TUBGCP5: variants seen among roughly 807,000 people sequenced by gnomAD.
TUBGCP5 encodes the protein tubulin gamma complex component 5, also known as gamma-tubulin complex component 5.
In TUBGCP5, 98 loss-of-function variants were observed where a neutral mutation model predicts 134.7. The observed-to-expected ratio is 0.73, with a 90% confidence interval of 0.62 to 0.86. The LOEUF (loss-of-function observed/expected upper bound fraction) is 0.86. Ranked by LOEUF, TUBGCP5 falls within the 40% of genes least tolerant of loss-of-function variation. The pLI is 0.00. For missense variants in TUBGCP5, 1,150 were observed against 1,244.8 expected, an observed-to-expected ratio of 0.92 and a Z score of 1.15; for synonymous variants, 456 against 431.4, an observed-to-expected ratio of 1.06 and a Z score of -0.71.
intron 23 of TUBGCP5, among the ~76,000 whole-genome samples, chr15:22,986,193 G>C (rs1345956772): frequency 6.6e-6 from 1 of 151,296 alleles, no homozygotes; most frequent in South Asian, 2.1e-4. Flanking sequence ...AACAAGTATT[G>C]GCAAGGATAT....
chr15:23,038,142 T>C (rs1181166726), intron 1 of TUBGCP5, among the ~76,000 whole-genome samples: 2 of 152,098 alleles, frequency 1.3e-5, no homozygotes, highest in South Asian at 2.1e-4. Flanking sequence ...GCACAGCCTA[T>C]GCAACTAATG....
intron 23 of TUBGCP5, among the ~76,000 whole-genome samples, chr15:22,990,976 G>T (rs2063827215): frequency 6.6e-6 from 1 of 152,154 alleles, no homozygotes; most frequent in African/African-American, 2.4e-5. Context: ...TTGCTCCCTT[G>T]AATTTTGGCC....
At chr15:22,992,133 C>T (rs1217387816) in intron 23 of TUBGCP5, among the ~76,000 whole-genome samples, 1 of 152,134 alleles carries the variant, frequency 6.6e-6, no homozygotes, top group East Asian at 1.9e-4. Context: ...GTCTCCAGGG[C>T]TCAACTTCCT....
chr15:22,989,169 A>G (rs888110914), intron 23 of TUBGCP5, among the ~76,000 whole-genome samples: 1 of 152,066 alleles, frequency 6.6e-6, no homozygotes, highest in African/African-American at 2.4e-5. Context: ...TCCATCTGCA[A>G]TTTTAATTCT....
intron 10 of TUBGCP5, chr15:23,023,391 G>A (rs1034270502): frequency 5.3e-5 from 8 of 151,938 alleles, no homozygotes; most frequent in Admixed American, 1.3e-4. Context: ...GTACGATAAC[G>A]GATATGTAGA....
intron 12 of TUBGCP5, among the ~76,000 whole-genome samples, chr15:23,018,988 C>G (rs1444704541): frequency 6.6e-6 from 1 of 152,142 alleles, no homozygotes; most frequent in Non-Finnish European, 1.5e-5. Context: ...ATATAATTTG[C>G]TTAAGAAAAG....
At chr15:23,032,076 T>A in intron 4 of TUBGCP5, 47 bp from the exon 5 acceptor site, 1 of 1,463,430 alleles carries the variant, frequency 6.8e-7, no homozygotes, top group Non-Finnish European at 9.4e-7. Context: ...TATCTATCTT[T>A]GAAAAAAAAC....
intron 4 of TUBGCP5, 70 bp downstream of exon 4, chr15:23,032,658 G>T (rs1270543547): frequency 2.3e-5 from 24 of 1,051,536 alleles, no homozygotes; most frequent in African/African-American, 3.2e-5. Context: ...ATAAAACTCA[G>T]TGTTTAGCAA....
At chr15:23,035,169 A>T (rs568919565) in intron 3 of TUBGCP5, among the ~76,000 whole-genome samples, 15 of 151,958 alleles carry the variant, frequency 9.9e-5, no homozygotes, top group Middle Eastern at 3.4e-3. Flanking sequence ...CTCTACTAAA[A>T]ATACAAAAAA....
rs183566150 is a variant in TUBGCP5, at chr15:22,987,108, G to A, written c.*62-3497C>T. ...AGCACTTTGGGAGGCTGAGGCAGGC[G>A]GACCACCTGAGGTCAGGAGTTCAAG... On this transcript the variant is annotated intron_variant and NMD_transcript_variant, in intron 23 of 23. Coordinates refer to the TUBGCP5 transcript ENST00000614508. Among the ~76,000 whole-genome samples, 872 of 151,954 alleles carry A rather than the reference G, an allele frequency of 5.7e-3. 13 individuals carry two copies. Among genetic ancestry groups the A allele is most frequent in the African/African-American group, 0.02 (821 of 41,444 alleles).
At chr15:22,988,731 G>A (rs1419310447) in intron 23 of TUBGCP5, among the ~76,000 whole-genome samples, 7 of 21,896 alleles carry the variant, frequency 3.2e-4, no homozygotes, top group Admixed American at 1.4e-3. Flanking sequence ...GCGAGACTCC[G>A]TCTCAAAAAA....
chr15:23,032,190 A>T (rs1181262889), intron 4 of TUBGCP5, among the ~76,000 whole-genome samples, 161 bp from the exon 5 acceptor site: 1 of 152,218 alleles, frequency 6.6e-6, no homozygotes, highest in African/African-American at 2.4e-5. Flanking sequence ...AACATTTTAC[A>T]TTTTAATTAA....
intron 15 of TUBGCP5, among the ~76,000 whole-genome samples, chr15:23,009,503 C>T (rs528481213): frequency 2.6e-5 from 4 of 152,116 alleles, no homozygotes; most frequent in South Asian, 2.1e-4. Context: ...CTCCTGATCT[C>T]GTGATCCTCC....
chr15:23,019,136 A>AGT, intron 12 of TUBGCP5, 83 bp downstream of exon 12: 1 of 984,102 alleles, frequency 1.0e-6, no homozygotes, highest in South Asian at 1.5e-5. Flanking sequence ...GTACTGTCTG[A>AGT]AACTAACGAA....
chr15:22,999,707 G>A lies in TUBGCP5; in HGVS notation c.*113C>T, dbSNP rs2064257508. Reference sequence around the variant, plus strand: ...TGAGCGACTGTGCCAGGCTGACTGTGGACAAGTTTTACAAATAAACCAAAA... The same window carrying A: ...TGAGCGACTGTGCCAGGCTGACTGTAGACAAGTTTTACAAATAAACCAAAA... On this transcript the variant is annotated 3_prime_UTR_variant, in exon 23 of 23. Coordinates refer to ENST00000615383, the MANE Select transcript of TUBGCP5 (RefSeq NM_052903.6). The A allele has an allele frequency of 1.7e-6, 2 of 1,210,024 alleles. No homozygotes were observed. The highest frequency in any genetic ancestry group is 2.5e-5 in the South Asian group (2 of 78,484). 75.0% of individuals were successfully genotyped at this position (1,210,024 alleles called of 1,614,324 possible).
At chr15:22,988,119 A>T (rs1426277778) in intron 23 of TUBGCP5, among the ~76,000 whole-genome samples, 1 of 141,904 alleles carries the variant, frequency 7.0e-6, no homozygotes, top group East Asian at 2.0e-4. Flanking sequence ...TTGTTATAGG[A>T]GTCCTGACGG....
At chr15:22,985,201 T>G (rs7403479) in intron 23 of TUBGCP5, among the ~76,000 whole-genome samples, 60,582 of 151,914 alleles carry the variant, frequency 0.4, 12,649 homozygotes, top group African/African-American at 0.52. Context: ...CTTGTATAAT[T>G]AATAGTCTTT....
intron 11 of TUBGCP5, among the ~76,000 whole-genome samples, chr15:23,019,603 C>A (rs2065547022): frequency 6.6e-6 from 1 of 151,696 alleles, no homozygotes; most frequent in African/African-American, 2.4e-5. Context: ...TCGAGACCAT[C>A]CTGGCCAACA....
intron 6 of TUBGCP5, among the ~76,000 whole-genome samples, chr15:23,030,657 G>A (rs117106290): frequency 6.8e-6 from 1 of 147,482 alleles, no homozygotes; most frequent in East Asian, 2.0e-4. Context: ...CAGAAGTATA[G>A]GAAAAAAATT....
Sources: gnomAD v4.1 joint callset for allele counts (sites outside exome capture counted in the v4.1 genomes callset) on GRCh38, gnomAD v4.1.1 for gene constraint, MANE v1.5 for transcripts, NCBI Gene and HGNC (gene_info 2026-07-23, HGNC 2026-07-21) for gene names.